The following CHIC2 variants were observed in gnomAD, a reference collection of about 807,000 sequenced individuals.
CHIC2 encodes the protein cysteine rich hydrophobic domain 2.
Under a neutral mutation model 25.9 loss-of-function variants are expected in CHIC2, and 14 were observed. The ratio of observed to expected loss-of-function variants is 0.54; its 90% CI spans 0.36 to 0.85. CHIC2 has a LOEUF of 0.85. Among genes scored for constraint, CHIC2 ranks in the 40% least tolerant of loss-of-function variants. The pLI, the probability that CHIC2 is intolerant of heterozygous loss-of-function variation, is 0.01. For missense variants in CHIC2, 146 were observed against 202.0 expected (o/e 0.72, Z 1.68); for synonymous variants, 70 against 72.0 (o/e 0.97, Z 0.14).
chr4:54,039,951 A>G (rs1471572649), intron 3 of CHIC2, among the ~76,000 whole-genome samples: 3 of 152,218 alleles, frequency 2.0e-5, no homozygotes, highest in African/African-American at 4.8e-5. Flanking sequence ...AGTTATATAC[A>G]CTATTTTACT....
intron 1 of CHIC2, among the ~76,000 whole-genome samples, chr4:54,054,506 A>T (rs902537328): frequency 2.0e-5 from 3 of 152,246 alleles, no homozygotes; most frequent in Admixed American, 6.5e-5. Context: ...TTTAACAGTG[A>T]AATTTTTAAA....
chr4:54,045,049 A>G (rs1380436480), intron 3 of CHIC2, among the ~76,000 whole-genome samples: 1 of 152,252 alleles, frequency 6.6e-6, no homozygotes, highest in Non-Finnish European at 1.5e-5. Flanking sequence ...CAAAATCCAG[A>G]AGAAATGGAT....
the CHIC2 span, among the ~76,000 whole-genome samples, chr4:54,073,951 T>C: frequency 5.4e-3 from 822 of 152,242 alleles, 15 homozygotes; most frequent in African/African-American, 0.019. Flanking sequence ...GGTCAAGAGA[T>C]GGAGACCATC....
At chr4:54,028,166 G>A (rs1184279496) in intron 3 of CHIC2, among the ~76,000 whole-genome samples, 1 of 152,112 alleles carries the variant, frequency 6.6e-6, no homozygotes, top group Non-Finnish European at 1.5e-5. Context: ...CTTGGATATT[G>A]TTACCATTTA....
chr4:54,015,297 G>A (rs898513524), intron 3 of CHIC2, among the ~76,000 whole-genome samples: 8 of 151,952 alleles, frequency 5.3e-5, no homozygotes, highest in African/African-American at 1.9e-4. Flanking sequence ...ATATGCCAAT[G>A]ACTAATTTAT....
intron 3 of CHIC2, among the ~76,000 whole-genome samples, chr4:54,028,881 T>A (rs1716138178): frequency 6.6e-6 from 1 of 152,144 alleles, no homozygotes; most frequent in African/African-American, 2.4e-5. Context: ...TCCCAGCACT[T>A]TGGGGGGCCG....
intron 3 of CHIC2, among the ~76,000 whole-genome samples, chr4:54,039,150 T>A (rs531556660): frequency 4.6e-5 from 7 of 151,938 alleles, no homozygotes; most frequent in South Asian, 4.2e-4. Context: ...AGTAAAGAGA[T>A]CACAGGAGAA....
chr4:54,069,285 C>T (rs1368627461), upstream of CHIC2, among the ~76,000 whole-genome samples: 1 of 152,124 alleles, frequency 6.6e-6, no homozygotes, highest in Non-Finnish European at 1.5e-5. Flanking sequence ...ACCTTGGTCT[C>T]CAAAAAGTAC....
At chr4:54,045,958 G>C (rs1418390113) in intron 3 of CHIC2, among the ~76,000 whole-genome samples, 1 of 152,058 alleles carries the variant, frequency 6.6e-6, no homozygotes, top group Non-Finnish European at 1.5e-5. Flanking sequence ...AAAGTCTCAG[G>C]ATACAAAATC....
intron 1 of CHIC2, among the ~76,000 whole-genome samples, chr4:54,062,656 G>A (rs1406662319): frequency 2.0e-5 from 3 of 152,066 alleles, no homozygotes; most frequent in African/African-American, 4.8e-5. Flanking sequence ...CTACAGCGTC[G>A]CCTTTTTAAA....
chr4:54,021,097 T>C (rs899863837), intron 3 of CHIC2, among the ~76,000 whole-genome samples: 2 of 152,178 alleles, frequency 1.3e-5, no homozygotes, highest in Non-Finnish European at 2.9e-5. Flanking sequence ...CCTTAGCCTG[T>C]GTTCTCAAGA....
chr4:54,036,223 G>A (rs1486822291), intron 3 of CHIC2, among the ~76,000 whole-genome samples: 1 of 152,204 alleles, frequency 6.6e-6, no homozygotes, highest in East Asian at 1.9e-4. Context: ...GCTGACATCT[G>A]TAGGGATTTT....
chr4:54,058,095 A>G (rs1352580480), intron 1 of CHIC2, among the ~76,000 whole-genome samples: 1 of 152,224 alleles, frequency 6.6e-6, no homozygotes, highest in Non-Finnish European at 1.5e-5. Flanking sequence ...AGTCAATTAG[A>G]TAATTCTGAG....
At chr4:54,087,844 A>G in the CHIC2 span, 1 of 350,234 alleles carries the variant, frequency 2.9e-6, no homozygotes, top group Non-Finnish European at 5.5e-6. Flanking sequence ...TTTTGTTCTT[A>G]GTCTTTTTCT....
At chr4:54,040,045 G>C (rs1243119134) in intron 3 of CHIC2, among the ~76,000 whole-genome samples, 2 of 152,130 alleles carry the variant, frequency 1.3e-5, no homozygotes, top group East Asian at 1.9e-4. Context: ...AGTTGACGAG[G>C]GTTCAACTAC....
intron 1 of CHIC2, among the ~76,000 whole-genome samples, chr4:54,053,001 T>A (rs1034254198): frequency 3.3e-5 from 5 of 152,194 alleles, no homozygotes; most frequent in Non-Finnish European, 7.3e-5. Flanking sequence ...TATAACAGAA[T>A]ATTAAACAAC....
At chr4:54,078,151 A>T in the CHIC2 span, among the ~76,000 whole-genome samples, 1 of 152,210 alleles carries the variant, frequency 6.6e-6, no homozygotes, top group African/African-American at 2.4e-5. Context: ...CAAGTTACTG[A>T]AATGAGTTTA....
intron 3 of CHIC2, among the ~76,000 whole-genome samples, chr4:54,018,524 A>G (rs1212913571): frequency 6.6e-6 from 1 of 152,090 alleles, no homozygotes; most frequent in African/African-American, 2.4e-5. Context: ...ATTCCCAATG[A>G]CTCATTTAAT....
intron 3 of CHIC2, among the ~76,000 whole-genome samples, chr4:54,018,285 T>C (rs533767158): frequency 7.9e-5 from 12 of 152,128 alleles, no homozygotes; most frequent in South Asian, 2.1e-4. Flanking sequence ...ATTACTGCAA[T>C]AGAAAACTAA....
Sources: gnomAD v4.1 joint callset for allele counts (sites outside exome capture counted in the v4.1 genomes callset) on GRCh38, gnomAD v4.1.1 for gene constraint, MANE v1.5 for transcripts, NCBI Gene and HGNC (gene_info 2026-07-23, HGNC 2026-07-21) for gene names.